PPP1R21: variants seen among roughly 807,000 people sequenced by gnomAD.
PPP1R21 encodes protein phosphatase 1 regulatory subunit 21, also known as KLRAQ motif containing 1.
PPP1R21 carries 85 observed loss-of-function variants against 112.8 expected under a neutral mutation model. That is an observed-to-expected ratio of 0.75 (90% CI 0.63 to 0.90). The LOEUF is 0.90. PPP1R21 is among the 40% of genes least tolerant of loss of function. PPP1R21 has a pLI of 0.00. For missense variants in PPP1R21, 1,199 were observed against 901.5 expected (o/e 1.33, Z -4.23); for synonymous variants, 381 against 322.3 (o/e 1.18, Z -1.95).
chr2:48,469,567 C>CATATATATATAGAGAGAGAGAGAGAGCAT (rs1558458228), intron 9 of PPP1R21, among the ~76,000 whole-genome samples: 1 of 87,126 alleles, frequency 1.1e-5, no homozygotes, highest in Non-Finnish European at 2.4e-5. Flanking sequence ...AGAGAGAGAG[C>CATATATATATAGAGAGAGAGAGAGAGCAT]ATATATATAT....
chr2:48,453,092 C>T lies in PPP1R21; in HGVS notation c.127-1503C>T, dbSNP rs569880402. ...CTTCAGCCTCCTGAGTCACTGGGATCACAGGCGTGCACCACCCTGCCTGGC... is the reference window on the plus strand; with the variant it reads ...CTTCAGCCTCCTGAGTCACTGGGATTACAGGCGTGCACCACCCTGCCTGGC... On this transcript the variant is annotated intron_variant, in intron 2 of 21. Coordinates refer to ENST00000294952, the MANE Select transcript of PPP1R21 (RefSeq NM_001135629.3). Among the ~76,000 whole-genome samples, 255 of 151,910 alleles carry T rather than the reference C, an allele frequency of 1.7e-3. 1 individual carries two copies. The highest frequency in any genetic ancestry group is 2.9e-3 in the Non-Finnish European group (194 of 67,962).
intron 1 of PPP1R21, among the ~76,000 whole-genome samples, chr2:48,446,998 G>A (rs980724479): frequency 1.3e-5 from 2 of 152,118 alleles, no homozygotes; most frequent in Non-Finnish European, 2.9e-5. Context: ...TGATCTGCCC[G>A]CCTCAGCCTC....
intron 3 of PPP1R21, among the ~76,000 whole-genome samples, chr2:48,457,483 G>T (rs1231807102): frequency 6.6e-6 from 1 of 152,080 alleles, no homozygotes; most frequent in African/African-American, 2.4e-5. Context: ...TCAGTTCTAT[G>T]TATTACATGA....
Position 48,498,680 on chromosome 2 carries a change from G to A in PPP1R21, c.1880G>A (p.Gly627Asp), listed in dbSNP as rs748624204. Residue 627 changes from glycine (G) to aspartate (D), a missense_variant, in exon 17 of 22, where the codon GGC (glycine) becomes GAC (aspartate). Transcript: ENST00000294952. Reference sequence around the variant, plus strand: ...AATGCTGCTGTGTCAAATACTGCTGGCCAGGATGAAGCCACAGCTAAGGCT... The same window carrying A: ...AATGCTGCTGTGTCAAATACTGCTGACCAGGATGAAGCCACAGCTAAGGCT... ...QENAAVSNTAGQDEATAKAVL... is the reference protein window; with the variant it reads ...QENAAVSNTADQDEATAKAVL... 6.8e-6 allele frequency: 11 copies of A among 1,614,092 alleles called. No homozygotes were observed. The highest frequency in any genetic ancestry group is 7.6e-6 in the Non-Finnish European group (9 of 1,180,044).
intron 9 of PPP1R21, among the ~76,000 whole-genome samples, chr2:48,468,525 T>C (rs1213676668): frequency 6.6e-6 from 1 of 152,134 alleles, no homozygotes; most frequent in Non-Finnish European, 1.5e-5. Flanking sequence ...TTAAAAAATA[T>C]TTTCTGACCA....
intron 1 of PPP1R21, among the ~76,000 whole-genome samples, chr2:48,443,972 T>G (rs1667144544): frequency 6.6e-6 from 1 of 152,188 alleles, no homozygotes; most frequent in Non-Finnish European, 1.5e-5. Context: ...CTCATTCTTC[T>G]TTAATGCAGA....
intron 1 of PPP1R21, among the ~76,000 whole-genome samples, chr2:48,442,905 C>T (rs901561051): frequency 6.6e-6 from 1 of 152,002 alleles, no homozygotes; most frequent in African/African-American, 2.4e-5. Flanking sequence ...AAAGGTTAAG[C>T]AGGGGAGTGA....
At position 48,507,749 on chromosome 2, in the gene PPP1R21, C is replaced by CTTTTTTTTTTTTTT. The variant is rs34546075; in HGVS notation, c.2085+385_2085+398dup. Reference sequence around the variant, plus strand: ...AAGACTGATTTGAGTGAGGCTCTGCCTTTTTTTTTTTTTTTTTTTTTTTTT... The same window carrying CTTTTTTTTTTTTTT: ...AAGACTGATTTGAGTGAGGCTCTGCCTTTTTTTTTTTTTTTTTTTTTTTTTTTTTTTTTTTTTTT... On this transcript the variant is annotated intron_variant, in intron 19 of 21. Coordinates refer to ENST00000294952, the MANE Select transcript of PPP1R21 (RefSeq NM_001135629.3). Among the ~76,000 whole-genome samples the CTTTTTTTTTTTTTT allele has an allele frequency of 4.7e-4, 20 of 42,406 alleles. 6 individuals are homozygous for CTTTTTTTTTTTTTT. The highest frequency in any genetic ancestry group is 6.2e-4 in the Non-Finnish European group (16 of 25,836). The allele number at this position is 42,406 out of a possible 152,430, so 27.8% of individuals were successfully genotyped here. A position where few individuals can be genotyped will look rare whatever the true frequency, so the allele number is the denominator to read the frequency against.
At chr2:48,509,970 T>G (rs200891156) in intron 19 of PPP1R21, 45 bp from the exon 20 acceptor site, 246 of 1,482,924 alleles carry the variant, frequency 1.7e-4, no homozygotes, top group South Asian at 1.5e-4. Flanking sequence ...AATTTGGTTT[T>G]AGAAAGTGCT....
At chr2:48,480,509 A>C (rs955148587) in intron 13 of PPP1R21, among the ~76,000 whole-genome samples, 1 of 152,142 alleles carries the variant, frequency 6.6e-6, no homozygotes. Flanking sequence ...CTGGTTTTGC[A>C]TTTTGGTCAG....
At chr2:48,469,505 AGAG>A (rs1668400407) in intron 9 of PPP1R21, among the ~76,000 whole-genome samples, 1 of 28,564 alleles carries the variant, frequency 3.5e-5, no homozygotes, top group African/African-American at 1.8e-4. Context: ...ATATATATAT[AGAG>A]CATATATATA....
rs528584733 is a variant in PPP1R21 at position 48,495,152 on chromosome 2, A to C, written c.1600-527A>C. 3.9e-5 allele frequency among the ~76,000 whole-genome samples: 6 copies of C among 152,352 alleles called. No homozygotes were observed. The East Asian group carries it at 9.6e-4, about 24-fold the overall frequency. ...GCACCATCGTAAAGTCATCAGTCGAACCAAGGTAAGTCAGTGACCATTTAT... is the reference window on the plus strand; with the variant it reads ...GCACCATCGTAAAGTCATCAGTCGACCCAAGGTAAGTCAGTGACCATTTAT... On this transcript the variant is annotated intron_variant, in intron 15 of 21. Transcript: ENST00000294952.
rs144453363 is a variant in PPP1R21 at position 48,475,873 on chromosome 2, T to A, written c.1225+1054T>A. On this transcript the variant is annotated intron_variant, in intron 12 of 21. Transcript: ENST00000294952. Reference sequence around the variant, plus strand: ...AAAAAAAAAAGTATTTTTGGGTAACTGAATGGACCTCATTTTAAATGACAT... The same window carrying A: ...AAAAAAAAAAGTATTTTTGGGTAACAGAATGGACCTCATTTTAAATGACAT... Among the ~76,000 whole-genome samples the A allele has an allele frequency of 2.2e-3, 342 of 152,256 alleles. 1 individual carries two copies. The highest frequency in any genetic ancestry group is 0.014 in the Middle Eastern group (4 of 294).
At chr2:48,498,366 T>G in intron 16 of PPP1R21, 127 bp from the exon 17 acceptor site, 1 of 851,624 alleles carries the variant, frequency 1.2e-6, no homozygotes, top group South Asian at 1.9e-5. Flanking sequence ...TATTCGAGGG[T>G]CAAACTTTAT....
chr2:48,509,589 C>A (rs775188260), intron 19 of PPP1R21, among the ~76,000 whole-genome samples: 16 of 151,762 alleles, frequency 1.1e-4, no homozygotes, highest in Non-Finnish European at 2.2e-4. Flanking sequence ...CCTGTAATCC[C>A]AGCTACTCGG....
rs1186162981 is a variant in PPP1R21, at chr2:48,469,483, T to TAG, written c.898-1601_898-1600dup. On this transcript the variant is annotated intron_variant, in intron 9 of 21. Coordinates refer to ENST00000294952, the MANE Select transcript of PPP1R21 (RefSeq NM_001135629.3). ...TATATATAGAGCATATATATATATATAGAGCATATATATATATATATAGAG... is the reference window on the plus strand; with the variant it reads ...TATATATAGAGCATATATATATATATAGAGAGCATATATATATATATATAGAG... Among the ~76,000 whole-genome samples, 117 of 66,464 alleles carry TAG rather than the reference T, an allele frequency of 1.8e-3. 13 individuals carry two copies. Among genetic ancestry groups the TAG allele is most frequent in the Non-Finnish European group, 3.1e-3 (99 of 31,694 alleles). The allele number at this position is 66,464 out of a possible 152,430, so 43.6% of individuals were successfully genotyped here. A position where few individuals can be genotyped will look rare whatever the true frequency, so the allele number is the denominator to read the frequency against.
At chr2:48,441,694 G>C (rs955033830) in intron 1 of PPP1R21, among the ~76,000 whole-genome samples, 1 of 152,168 alleles carries the variant, frequency 6.6e-6, no homozygotes, top group African/African-American at 2.4e-5. Context: ...TCGTGTTTAT[G>C]GCATCAGTCT....
intron 9 of PPP1R21, 86 bp downstream of exon 9, chr2:48,465,728 C>A: frequency 8.4e-7 from 1 of 1,189,174 alleles, no homozygotes; most frequent in Non-Finnish European, 1.2e-6. Flanking sequence ...GTGCACCATC[C>A]AAGTACTGCA....
intron 17 of PPP1R21, among the ~76,000 whole-genome samples, 163 bp downstream of exon 17, chr2:48,498,898 T>C (rs546421183): frequency 6.6e-6 from 1 of 152,294 alleles, no homozygotes; most frequent in Non-Finnish European, 1.5e-5. Flanking sequence ...TCCCAGTTCT[T>C]GAGGCTGGGA....
Sources: gnomAD v4.1 joint callset for allele counts (sites outside exome capture counted in the v4.1 genomes callset) on GRCh38, gnomAD v4.1.1 for gene constraint, MANE v1.5 for transcripts, NCBI Gene and HGNC (gene_info 2026-07-23, HGNC 2026-07-21) for gene names.